PCDHA8: variants seen among roughly 807,000 people sequenced by gnomAD.
PCDHA8 encodes the protein protocadherin alpha 8.
In PCDHA8, 53 loss-of-function variants were observed where a neutral mutation model predicts 61.8. The observed-to-expected ratio is 0.86, with a 90% confidence interval of 0.69 to 1.08. PCDHA8 has a LOEUF of 1.08. Ranked by LOEUF, PCDHA8 falls within the 50% of genes least tolerant of loss-of-function variation. PCDHA8 has a pLI of 0.00. For missense variants in PCDHA8, 1,293 were observed against 1,245.0 expected (o/e 1.04, Z -0.58); for synonymous variants, 618 against 556.6 (o/e 1.11, Z -1.55).
intron 1 of PCDHA8, among the ~76,000 whole-genome samples, chr5:140,909,596 T>C (rs2074597089): frequency 6.6e-6 from 1 of 152,222 alleles, no homozygotes; most frequent in South Asian, 2.1e-4. Context: ...TGATTTACTA[T>C]TTTTCTAGGT....
intron 1 of PCDHA8, among the ~76,000 whole-genome samples, chr5:140,897,693 G>A (rs1327367730): frequency 6.6e-6 from 1 of 152,008 alleles, no homozygotes; most frequent in African/African-American, 2.4e-5. Context: ...TAGTCCTTTG[G>A]GCATATACCC....
At position 140,851,264 on chromosome 5, in the gene PCDHA8, A is replaced by G. The variant is rs1170850164; in HGVS notation, c.2394+7549A>G. The G allele has an allele frequency of 2.1e-5, 23 of 1,075,328 alleles. 1 individual carries two copies. The highest frequency in any genetic ancestry group is 4.3e-5 in the East Asian group (1 of 23,212). 66.6% of individuals were successfully genotyped at this position (1,075,328 alleles called of 1,614,324 possible). ...TAAATGATGCATAGTATTTTAGTCT[A>G]CTTGTATTGTTTATAAGAAACCCAA... On this transcript the variant is annotated intron_variant, in intron 1 of 3. Coordinates refer to ENST00000531613, the MANE Select transcript of PCDHA8 (RefSeq NM_018911.3).
chr5:140,870,253 G>A (rs782678686), intron 1 of PCDHA8: 2 of 1,614,196 alleles, frequency 1.2e-6, no homozygotes, highest in Non-Finnish European at 1.7e-6. Flanking sequence ...CAACGGACAG[G>A]TGACCTGCTC....
intron 1 of PCDHA8, among the ~76,000 whole-genome samples, chr5:140,903,652 T>C (rs1304934693): frequency 6.6e-6 from 1 of 152,234 alleles, no homozygotes; most frequent in Non-Finnish European, 1.5e-5. Context: ...ATACATATAT[T>C]ATAAATTTAA....
intron 1 of PCDHA8, chr5:140,968,744 G>T: frequency 6.2e-7 from 1 of 1,614,164 alleles, no homozygotes; most frequent in Non-Finnish European, 8.5e-7. Context: ...CAACCTGACC[G>T]TGGTGGTCCG....
rs565339027 is a variant in PCDHA8, at chr5:141,010,492, C to G, written c.*555C>G. ...AGGGGAAGTGTAAACTTAAAGGGAC[C>G]AGACTTTCTAAATCTTACAACTCAA... On this transcript the variant is annotated 3_prime_UTR_variant, in exon 4 of 4. Transcript: ENST00000531613. 28 of 628,626 alleles carry G rather than the reference C, an allele frequency of 4.5e-5. No homozygotes were observed. Among genetic ancestry groups the G allele is most frequent in the Admixed American group, 1.7e-4 (5 of 29,282 alleles). 38.9% of individuals were successfully genotyped at this position (628,626 alleles called of 1,614,324 possible).
intron 1 of PCDHA8, among the ~76,000 whole-genome samples, chr5:140,906,958 G>A (rs1220105162): frequency 1.3e-5 from 2 of 152,124 alleles, no homozygotes; most frequent in Non-Finnish European, 2.9e-5. Flanking sequence ...CAGTTTAATG[G>A]AATCGTGGTT....
chr5:140,858,197 A>T lies in PCDHA8; in HGVS notation c.2394+14482A>T. On this transcript the variant is annotated intron_variant, in intron 1 of 3. Transcript: ENST00000531613. ...GCTGGTGCTCACGCTGCTGCTGTAC[A>T]CTGCACTGAGGTGCTCGGCGGCGCC... is the stretch of plus-strand genomic sequence containing the variant. The T allele has an allele frequency of 1.3e-6, 2 of 1,597,058 alleles. 1 individual carries two copies.
intron 3 of PCDHA8, among the ~76,000 whole-genome samples, chr5:140,986,555 T>A (rs1554248143): frequency 6.6e-6 from 1 of 152,214 alleles, no homozygotes; most frequent in African/African-American, 2.4e-5. Context: ...GCCAGGCTGC[T>A]TTGTTATCTG....
intron 1 of PCDHA8, among the ~76,000 whole-genome samples, chr5:140,900,150 C>T (rs265315): frequency 0.046 from 7,055 of 152,208 alleles, 291 homozygotes; most frequent in African/African-American, 0.11. Context: ...TAAGAACATA[C>T]GATATTTGTC....
At chr5:140,907,391 A>G (rs1455875344) in intron 1 of PCDHA8, among the ~76,000 whole-genome samples, 2 of 152,214 alleles carry the variant, frequency 1.3e-5, no homozygotes, top group African/African-American at 2.4e-5. Context: ...GGTCAAAGGC[A>G]ATGCTGTGTG....
At chr5:140,957,725 A>T (rs1385506394) in intron 1 of PCDHA8, among the ~76,000 whole-genome samples, 1 of 152,156 alleles carries the variant, frequency 6.6e-6, no homozygotes, top group Non-Finnish European at 1.5e-5. Context: ...AAAGAAGCAG[A>T]ATTATATATA....
At chr5:140,978,739 T>C (rs2096820890) in intron 1 of PCDHA8, among the ~76,000 whole-genome samples, 1 of 152,252 alleles carries the variant, frequency 6.6e-6, no homozygotes, top group Non-Finnish European at 1.5e-5. Context: ...TCTTCCAGGG[T>C]ATCTAATCTG....
At chr5:140,882,931 G>A in intron 1 of PCDHA8, 1 of 1,614,206 alleles carries the variant, frequency 6.2e-7, no homozygotes. Context: ...GTAAACCCGA[G>A]CTGACTGGCA....
chr5:140,944,334 C>T (rs547924304), intron 1 of PCDHA8, among the ~76,000 whole-genome samples: 131 of 152,138 alleles, frequency 8.6e-4, no homozygotes, highest in African/African-American at 3.0e-3. Flanking sequence ...ATTACAAGCA[C>T]GTGCCACCAC....
chr5:140,869,312 C>G (rs782161322), intron 1 of PCDHA8: 14 of 1,613,636 alleles, frequency 8.7e-6, no homozygotes, highest in Admixed American at 3.3e-5. Flanking sequence ...GCGTCCAAAA[C>G]ACATGGGGAC....
intron 1 of PCDHA8, chr5:140,864,877 T>C (rs1475391841): frequency 6.6e-6 from 1 of 152,220 alleles, no homozygotes; most frequent in Non-Finnish European, 1.5e-5. Flanking sequence ...CCATTGTCTG[T>C]GTTCATTAAG....
chr5:140,990,184 A>G lies in PCDHA8; in HGVS notation c.2542+7621A>G, dbSNP rs1230599539. 1.3e-5 allele frequency among the ~76,000 whole-genome samples: 2 copies of G among 152,158 alleles called. 1 individual carries two copies. The highest frequency in any genetic ancestry group is 2.9e-5 in the Non-Finnish European group (2 of 68,034). ...GGGTATGAAAAGGTGACTTTTAAGA[A>G]CCAAATGTGGACCCGAAAGAGAACA... is the stretch of plus-strand genomic sequence containing the variant. On this transcript the variant is annotated intron_variant, in intron 3 of 3. Transcript: ENST00000531613.
intron 3 of PCDHA8, 94 bp from the exon 4 acceptor site, chr5:141,009,533 G>C: frequency 1.3e-6 from 2 of 1,509,446 alleles, no homozygotes; most frequent in Non-Finnish European, 1.8e-6. Context: ...GGGAGGTTCA[G>C]CCTGCCTATG....
Sources: gnomAD v4.1 joint callset for allele counts (sites outside exome capture counted in the v4.1 genomes callset) on GRCh38, gnomAD v4.1.1 for gene constraint, MANE v1.5 for transcripts, NCBI Gene and HGNC (gene_info 2026-07-23, HGNC 2026-07-21) for gene names.